EEA1: variants seen among roughly 807,000 people sequenced by gnomAD.
EEA1 encodes early endosome antigen 1, 162kD.
A neutral mutation model predicts 209.2 loss-of-function variants in EEA1; 111 were observed. The ratio of observed to expected loss-of-function variants is 0.53; its 90% CI spans 0.45 to 0.62. The LOEUF (loss-of-function observed/expected upper bound fraction) is 0.62. Ranked by LOEUF, EEA1 falls within the 20% of genes least tolerant of loss-of-function variation. EEA1 has a pLI of 0.00. For missense variants in EEA1, 1,343 were observed against 1,530.8 expected, an observed-to-expected ratio of 0.88 and a Z score of 2.05; for synonymous variants, 536 against 540.6, an observed-to-expected ratio of 0.99 and a Z score of 0.12.
intron 13 of EEA1, among the ~76,000 whole-genome samples, chr12:92,822,924 ACCT>A (rs1237054814): frequency 1.3e-5 from 2 of 151,880 alleles, no homozygotes; most frequent in African/African-American, 4.8e-5. Context: ...AGCTGATGAC[ACCT>A]CCACTTACCA....
chr12:92,775,717 C>A lies in EEA1; in HGVS notation c.*294G>T. ...ATAATGAAATTATATTAAAAAAATACATTGCTATTTTCTGTCCAAAGTTTA... is the reference window on the plus strand; with the variant it reads ...ATAATGAAATTATATTAAAAAAATAAATTGCTATTTTCTGTCCAAAGTTTA... On this transcript the variant is annotated 3_prime_UTR_variant, in exon 29 of 29. Coordinates refer to ENST00000322349, the MANE Select transcript of EEA1 (RefSeq NM_003566.4). The A allele has an allele frequency of 4.1e-6, 1 of 241,236 alleles. No homozygotes were observed. The highest frequency in any genetic ancestry group is 7.9e-6 in the Non-Finnish European group (1 of 126,540). 14.9% of individuals were successfully genotyped at this position (241,236 alleles called of 1,614,324 possible).
At chr12:92,814,657 T>TTA (rs1196559951) in intron 15 of EEA1, among the ~76,000 whole-genome samples, 1 of 152,200 alleles carries the variant, frequency 6.6e-6, no homozygotes, top group East Asian at 1.9e-4. Context: ...TTTGCCCTTT[T>TTA]TATAGGCAAT....
intron 1 of EEA1, among the ~76,000 whole-genome samples, chr12:92,920,984 A>C (rs1041409603): frequency 2.0e-5 from 3 of 151,390 alleles, no homozygotes; most frequent in African/African-American, 7.2e-5. Flanking sequence ...TGCAGCCAAA[A>C]AACACATGAA....
intron 1 of EEA1, among the ~76,000 whole-genome samples, chr12:92,892,760 G>C (rs549954789): frequency 6.6e-6 from 1 of 151,976 alleles, no homozygotes; most frequent in African/African-American, 2.4e-5. Context: ...TGAGTAGCTG[G>C]GACTACAGGC....
intron 8 of EEA1, 45 bp downstream of exon 8, chr12:92,852,130 T>C (rs1038925504): frequency 6.4e-6 from 9 of 1,403,812 alleles, no homozygotes; most frequent in Non-Finnish European, 8.5e-6. Flanking sequence ...ATTTTTAATT[T>C]AGAAAGGTAT....
intron 21 of EEA1, among the ~76,000 whole-genome samples, chr12:92,797,609 A>G (rs1052074668): frequency 6.6e-6 from 1 of 152,190 alleles, no homozygotes; most frequent in African/African-American, 2.4e-5. Context: ...TCACTAAGTT[A>G]CGATGCTATA....
intron 5 of EEA1, among the ~76,000 whole-genome samples, chr12:92,856,386 C>T (rs1308005355): frequency 6.6e-6 from 1 of 152,030 alleles, no homozygotes; most frequent in Non-Finnish European, 1.5e-5. Context: ...CAAAGAGAAC[C>T]ACTTTTGATA....
At chr12:92,790,462 T>C (rs1874350535) in intron 21 of EEA1, among the ~76,000 whole-genome samples, 2 of 152,106 alleles carry the variant, frequency 1.3e-5, no homozygotes, top group African/African-American at 2.4e-5. Context: ...CTGAAAACCA[T>C]GGCACGAGAA....
At chr12:92,798,610 G>A (rs894739102) in intron 21 of EEA1, among the ~76,000 whole-genome samples, 4 of 152,018 alleles carry the variant, frequency 2.6e-5, no homozygotes, top group South Asian at 2.1e-4. Context: ...CACTGTGCCC[G>A]GCCAGTTATA....
In EEA1 at chr12:92,927,233, AGATGCCAGG is replaced by A. The variant is rs1260162535; in HGVS notation, c.24+1801_24+1809del. Among the ~76,000 whole-genome samples, 5 of 152,308 alleles carry A rather than the reference AGATGCCAGG, an allele frequency of 3.3e-5. No individual in the cohort carries two copies. In the East Asian group the frequency reaches 9.6e-4, roughly 29 times the overall value. On this transcript the variant is annotated intron_variant, in intron 1 of 28. Coordinates refer to ENST00000322349, the MANE Select transcript of EEA1 (RefSeq NM_003566.4). ...AATGCTACTGGCATCTAGTGGGGGT[AGATGCCAGG>A]GATGCTGCTAACATCTTACAAGGCA...
Position 92,905,441 on chromosome 12 carries a change from T to TAC in EEA1, c.25-13722_25-13721dup, listed in dbSNP as rs10547901. 1,292 of 149,664 alleles carry TAC rather than the reference T, an allele frequency of 8.6e-3. 5 individuals are homozygous for TAC. Among genetic ancestry groups the TAC allele is most frequent in the African/African-American group, 0.011 (458 of 40,660 alleles). 9.3% of individuals were successfully genotyped at this position (149,664 alleles called of 1,614,324 possible). A position where few individuals can be genotyped will look rare whatever the true frequency, so the allele number is the denominator to read the frequency against. ...GGTGAAACCCCATCTCTACTAAAAATACACACACACACACACACACAAAGC... is the reference window on the plus strand; with the variant it reads ...GGTGAAACCCCATCTCTACTAAAAATACACACACACACACACACACACAAAGC... On this transcript the variant is annotated intron_variant, in intron 1 of 28. Transcript: ENST00000322349.
At chr12:92,885,371 C>T (rs1036075554) in intron 2 of EEA1, among the ~76,000 whole-genome samples, 4 of 152,106 alleles carry the variant, frequency 2.6e-5, no homozygotes, top group African/African-American at 2.4e-5. Flanking sequence ...TTAAAACCTA[C>T]AGCTTGTCCA....
At chr12:92,816,144 A>T in intron 15 of EEA1, 56 bp downstream of exon 15, 1 of 1,478,318 alleles carries the variant, frequency 6.8e-7, no homozygotes, top group Non-Finnish European at 9.3e-7. Context: ...AACAGAATTT[A>T]AAACATTTGA....
At chr12:92,885,801 T>C (rs1451858956) in intron 2 of EEA1, among the ~76,000 whole-genome samples, 2 of 152,200 alleles carry the variant, frequency 1.3e-5, no homozygotes, top group Non-Finnish European at 2.9e-5. Context: ...AAAATTCACA[T>C]ATAAGTGGAC....
rs185637749 is a variant in EEA1 at position 92,874,527 on chromosome 12, G to C, written c.118-9540C>G. Among the ~76,000 whole-genome samples, 350 of 152,148 alleles carry C rather than the reference G, an allele frequency of 2.3e-3. 3 individuals are homozygous for C. The highest frequency in any genetic ancestry group is 7.8e-3 in the African/African-American group (323 of 41,518). Reference sequence around the variant, plus strand: ...ATTACAGGCGCTTGCCGCCAGGCCTGGCTAATTTTTGTATTTTTAGTAGAG... The same window carrying C: ...ATTACAGGCGCTTGCCGCCAGGCCTCGCTAATTTTTGTATTTTTAGTAGAG... On this transcript the variant is annotated intron_variant, in intron 2 of 28. Coordinates refer to ENST00000322349, the MANE Select transcript of EEA1 (RefSeq NM_003566.4).
At chr12:92,911,247 C>T (rs115249706) in intron 1 of EEA1, among the ~76,000 whole-genome samples, 231 of 152,302 alleles carry the variant, frequency 1.5e-3, no homozygotes, top group African/African-American at 5.2e-3. Context: ...TGTCCCCCAG[C>T]GGGTGAATCA....
At chr12:92,837,785 C>A (rs778943223) in intron 10 of EEA1, among the ~76,000 whole-genome samples, 2 of 152,178 alleles carry the variant, frequency 1.3e-5, no homozygotes, top group African/African-American at 2.4e-5. Flanking sequence ...TTATATATTA[C>A]AATGTTACCT....
At position 92,832,871 on chromosome 12, in the gene EEA1, T is replaced by C. The variant is rs745449525; in HGVS notation, c.916-21A>G. 4.6e-6 allele frequency: 7 copies of C among 1,528,868 alleles called. No individual in the cohort carries two copies. The South Asian group carries it at 7.4e-5, about 16-fold the overall frequency. 94.7% of individuals were successfully genotyped at this position (1,528,868 alleles called of 1,614,324 possible). On this transcript the variant is annotated intron_variant, in intron 10 of 28. Transcript: ENST00000322349. ...AAGGTCTAAAATATCAATTTAACAATTTATTTCCTTTTCTAATATTTTTAA... is the reference window on the plus strand; with the variant it reads ...AAGGTCTAAAATATCAATTTAACAACTTATTTCCTTTTCTAATATTTTTAA...
intron 1 of EEA1, among the ~76,000 whole-genome samples, chr12:92,897,265 T>C (rs1049532403): frequency 2.6e-5 from 4 of 152,184 alleles, no homozygotes; most frequent in African/African-American, 9.6e-5. Context: ...ATCAGACTGA[T>C]TGTGGGCAAG....
Sources: gnomAD v4.1 joint callset for allele counts (sites outside exome capture counted in the v4.1 genomes callset) on GRCh38, gnomAD v4.1.1 for gene constraint, MANE v1.5 for transcripts, NCBI Gene and HGNC (gene_info 2026-07-23, HGNC 2026-07-21) for gene names.